Variants in AFF3 observed in about 807,000 individuals in gnomAD.
The protein encoded by AFF3 is AF4/FMR2 family member 3.
AFF3 carries 32 observed loss-of-function variants against 129.7 expected under a neutral mutation model. That is an observed-to-expected ratio of 0.25 (90% CI 0.19 to 0.33). The LOEUF is 0.33. AFF3 is among the 10% of genes least tolerant of loss of function. The probability of loss-of-function intolerance (pLI) is 1.00; values close to 1 mark genes in which losing one functional copy is unlikely to be tolerated. For missense variants in AFF3, 1,373 were observed against 1,592.0 expected, an observed-to-expected ratio of 0.86 and a Z score of 2.34; for synonymous variants, 644 against 635.4, an observed-to-expected ratio of 1.01 and a Z score of -0.20.
In AFF3 at chr2:100,024,971, T is replaced by C. The variant is rs1016808823; in HGVS notation, c.54-16039A>G. Among the ~76,000 whole-genome samples, 16 of 152,292 alleles carry C rather than the reference T, an allele frequency of 1.1e-4. No homozygotes were observed. In the East Asian group the frequency reaches 2.9e-3, roughly 28 times the overall value. ...CTTTAGTTGGGGGTTTTACTGCAAA[T>C]ATTACTTTTTAAATACAAAGCATTA... On this transcript the variant is annotated intron_variant, in intron 4 of 24. Coordinates refer to ENST00000672756, the MANE Select transcript of AFF3 (RefSeq NM_001386135.1).
Position 100,048,841 on chromosome 2 carries a change from G to A in AFF3, c.54-39909C>T, listed in dbSNP as rs113547853. Among the ~76,000 whole-genome samples the A allele has an allele frequency of 2.5e-3, 383 of 152,168 alleles. 2 individuals carry two copies. The highest frequency in any genetic ancestry group is 3.1e-3 in the South Asian group (15 of 4,820). On this transcript the variant is annotated intron_variant, in intron 4 of 24. Transcript: ENST00000672756. ...ATGGGATTTCTTTATTGATGTTCAC[G>A]CTCACAAATTTCAAATCCTATTTTA...
chr2:99,948,142 G>C (rs1675814036), intron 7 of AFF3, among the ~76,000 whole-genome samples: 1 of 152,178 alleles, frequency 6.6e-6, no homozygotes, highest in Admixed American at 6.5e-5. Context: ...TCCCACGCGG[G>C]TCTGCGCTGA....
At chr2:99,563,965 G>A (rs915261792) in intron 20 of AFF3, among the ~76,000 whole-genome samples, 7 of 152,072 alleles carry the variant, frequency 4.6e-5, no homozygotes, top group South Asian at 2.1e-4. Context: ...TCCATCAGTG[G>A]GCACAGTGGG....
At position 99,569,025 on chromosome 2, in the gene AFF3, A is replaced by G. The variant is rs183477597; in HGVS notation, c.2919-110T>C. The G allele has an allele frequency of 1.3e-3, 1,345 of 1,037,238 alleles. 3 individuals carry two copies. Among genetic ancestry groups the G allele is most frequent in the Non-Finnish European group, 1.6e-3 (1,083 of 680,984 alleles). 64.3% of individuals were successfully genotyped at this position (1,037,238 alleles called of 1,614,324 possible). Reference sequence around the variant, plus strand: ...AGGCACAATTTAAAAACTCTGCTTAATGCGGAATTAAGTGTGTTTTTTGCC... The same window carrying G: ...AGGCACAATTTAAAAACTCTGCTTAGTGCGGAATTAAGTGTGTTTTTTGCC... On this transcript the variant is annotated intron_variant, in intron 18 of 24. Coordinates refer to ENST00000672756, the MANE Select transcript of AFF3 (RefSeq NM_001386135.1).
intron 7 of AFF3, among the ~76,000 whole-genome samples, chr2:99,932,680 C>T (rs566502860): frequency 2.6e-5 from 4 of 152,284 alleles, no homozygotes; most frequent in South Asian, 2.1e-4. Context: ...TGTAGAAACC[C>T]GGAGTGTAGG....
At chr2:99,727,243 G>T in intron 10 of AFF3, 115 bp from the exon 11 acceptor site, 2 of 1,078,322 alleles carry the variant, frequency 1.9e-6, no homozygotes, top group Non-Finnish European at 2.6e-6. Flanking sequence ...ATGTGTAGCA[G>T]GAGGCTTTTA....
At chr2:99,755,916 A>G (rs907762530) in intron 8 of AFF3, among the ~76,000 whole-genome samples, 3 of 152,254 alleles carry the variant, frequency 2.0e-5, no homozygotes, top group African/African-American at 4.8e-5. Flanking sequence ...TGGTAGGTCC[A>G]TACAAATCTG....
At chr2:99,797,961 C>T (rs1259503457) in intron 8 of AFF3, among the ~76,000 whole-genome samples, 1 of 151,882 alleles carries the variant, frequency 6.6e-6, no homozygotes, top group African/African-American at 2.4e-5. Flanking sequence ...TATAAATATA[C>T]CCAAAGCAAT....
chr2:99,983,180 T>A (rs1451342946), intron 7 of AFF3, among the ~76,000 whole-genome samples: 1 of 152,244 alleles, frequency 6.6e-6, no homozygotes, highest in East Asian at 1.9e-4. Flanking sequence ...AAGTATGTGA[T>A]TAATTCAAAG....
At chr2:99,809,312 A>C (rs1417021400) in intron 8 of AFF3, among the ~76,000 whole-genome samples, 2 of 152,238 alleles carry the variant, frequency 1.3e-5, no homozygotes, top group Non-Finnish European at 1.5e-5. Context: ...AGAGGCACCC[A>C]GCTCTCAGGG....
intron 7 of AFF3, among the ~76,000 whole-genome samples, chr2:99,925,346 T>C (rs573776806): frequency 1.1e-4 from 16 of 152,302 alleles, no homozygotes; most frequent in African/African-American, 3.6e-4. Flanking sequence ...ACTAAGGATA[T>C]TTTCCTACAA....
chr2:99,740,720 T>C (rs972587637), intron 10 of AFF3, among the ~76,000 whole-genome samples: 20 of 151,316 alleles, frequency 1.3e-4, no homozygotes, highest in Admixed American at 7.9e-4. Context: ...ATTAGCCCTT[T>C]GTCAGATGAG....
intron 7 of AFF3, among the ~76,000 whole-genome samples, chr2:99,889,506 T>A (rs1259764694): frequency 6.6e-6 from 1 of 152,186 alleles, no homozygotes; most frequent in Admixed American, 6.5e-5. Flanking sequence ...AGTAAAAACA[T>A]CACAAGCACC....
chr2:99,882,646 T>C (rs770894865), intron 7 of AFF3, among the ~76,000 whole-genome samples: 1 of 152,328 alleles, frequency 6.6e-6, no homozygotes, highest in Non-Finnish European at 1.5e-5. Context: ...CAGGAGCTCA[T>C]GGTAAAGCCT....
chr2:99,903,223 C>T (rs544096216), intron 7 of AFF3, among the ~76,000 whole-genome samples: 5 of 152,194 alleles, frequency 3.3e-5, no homozygotes, highest in East Asian at 1.9e-4. Context: ...AATTATGACA[C>T]GTAATAGATT....
At chr2:100,075,631 T>C (rs1688525194) in intron 4 of AFF3, among the ~76,000 whole-genome samples, 1 of 152,156 alleles carries the variant, frequency 6.6e-6, no homozygotes, top group East Asian at 1.9e-4. Context: ...AACTGTTTAT[T>C]AGGGAAATAA....
chr2:100,141,989 C>T (rs1692902950), intron 1 of AFF3, among the ~76,000 whole-genome samples: 1 of 152,090 alleles, frequency 6.6e-6, no homozygotes, highest in Non-Finnish European at 1.5e-5. Context: ...GTGACGGTGG[C>T]CTTAGGTGGA....
chr2:99,675,100 C>T (rs568488492), intron 11 of AFF3, among the ~76,000 whole-genome samples: 3 of 152,252 alleles, frequency 2.0e-5, no homozygotes, highest in African/African-American at 7.2e-5. Context: ...AGTCAGAGTT[C>T]AACCTTGCTT....
chr2:99,866,405 C>T (rs1225545719), intron 7 of AFF3, among the ~76,000 whole-genome samples: 1 of 152,208 alleles, frequency 6.6e-6, no homozygotes, highest in African/African-American at 2.4e-5. Context: ...CCCAGCCATG[C>T]ACTGCAGAGC....
Sources: allele counts gnomAD v4.1 joint callset (sites outside exome capture counted in the v4.1 genomes callset), GRCh38; gene constraint gnomAD v4.1.1; transcripts MANE v1.5; gene names NCBI Gene and HGNC (gene_info 2026-07-23, HGNC 2026-07-21).